Variants in MORC1 observed in about 807,000 individuals in gnomAD.
MORC1 encodes MORC family CW-type zinc finger 1, also known as MORC family CW-type zinc finger protein 1.
A neutral mutation model predicts 134.9 loss-of-function variants in MORC1; 59 were observed. That is an observed-to-expected ratio of 0.44 (90% confidence interval 0.35 to 0.54). The LOEUF is 0.54. Among genes scored for constraint, MORC1 ranks in the 20% least tolerant of loss-of-function variants. MORC1 has a pLI of 0.00. For synonymous variants in MORC1, 395 were observed against 391.7 expected (o/e 1.01, Z -0.10); for missense variants, 947 against 1,134.5 (o/e 0.83, Z 2.37).
intron 3 of MORC1, among the ~76,000 whole-genome samples, chr3:109,109,152 C>G (rs962110607): frequency 1.3e-5 from 2 of 152,072 alleles, no homozygotes; most frequent in African/African-American, 4.8e-5. Flanking sequence ...TAAAGAAACC[C>G]TCTTAGACCA....
At chr3:109,075,092 C>T (rs573220907) in intron 8 of MORC1, among the ~76,000 whole-genome samples, 2 of 152,312 alleles carry the variant, frequency 1.3e-5, no homozygotes, top group African/African-American at 4.8e-5. Flanking sequence ...TAGTTCTATA[C>T]ATACGTCACT....
At chr3:108,995,010 A>T (rs1390833153) in intron 21 of MORC1, among the ~76,000 whole-genome samples, 1 of 152,052 alleles carries the variant, frequency 6.6e-6, no homozygotes, top group East Asian at 1.9e-4. Flanking sequence ...TTGTACTTTT[A>T]TCGTTTTTAT....
rs766931482 is a variant in MORC1, at chr3:108,969,666, T to C, written c.2604+3A>G. 5 of 1,612,754 alleles carry C rather than the reference T, an allele frequency of 3.1e-6. No homozygotes were observed. The African/African-American group carries it at 4.0e-5, about 13-fold the overall frequency. On this transcript the variant is annotated splice_donor_region_variant and intron_variant, in intron 26 of 27. Transcript: ENST00000232603. Reference sequence around the variant, plus strand: ...TAAATGGTGATACTGAAAGGAAGCTTACCTGGTTGAAACACATTTTCAGCT... The same window carrying C: ...TAAATGGTGATACTGAAAGGAAGCTCACCTGGTTGAAACACATTTTCAGCT...
chr3:108,987,153 A>T (rs1275957972), intron 21 of MORC1, among the ~76,000 whole-genome samples: 1 of 152,224 alleles, frequency 6.6e-6, no homozygotes, highest in East Asian at 1.9e-4. Flanking sequence ...TTGCATTATC[A>T]TAGTCATGTT....
chr3:109,102,226 T>C (rs1270325865), intron 4 of MORC1, among the ~76,000 whole-genome samples: 2 of 151,966 alleles, frequency 1.3e-5, no homozygotes, highest in African/African-American at 2.4e-5. Flanking sequence ...GGGTCAGCCA[T>C]GTGTGGGTGG....
At chr3:109,056,132 G>C (rs1949955503) in intron 13 of MORC1, among the ~76,000 whole-genome samples, 1 of 152,210 alleles carries the variant, frequency 6.6e-6, no homozygotes, top group Non-Finnish European at 1.5e-5. Context: ...AGGTCCCACA[G>C]CCAATCAGAG....
At chr3:109,108,330 A>G (rs114187726) in intron 3 of MORC1, among the ~76,000 whole-genome samples, 3,230 of 152,294 alleles carry the variant, frequency 0.021, 143 homozygotes, top group African/African-American at 0.075. Flanking sequence ...CACAAACCCC[A>G]AAGAACATAA....
intron 17 of MORC1, among the ~76,000 whole-genome samples, chr3:109,008,415 A>T (rs1029486125): frequency 6.6e-6 from 1 of 150,380 alleles, no homozygotes; most frequent in Non-Finnish European, 1.5e-5. Context: ...AGAGAAATAC[A>T]TACTTACATA....
intron 18 of MORC1, among the ~76,000 whole-genome samples, chr3:109,006,234 T>C (rs956916859): frequency 2.0e-5 from 3 of 152,190 alleles, no homozygotes; most frequent in African/African-American, 7.2e-5. Flanking sequence ...TGATCTTAGA[T>C]AAATTACTAT....
In MORC1 at chr3:108,994,909, G is replaced by A. The variant is rs1948157551; in HGVS notation, c.2187+5648C>T. On this transcript the variant is annotated intron_variant, in intron 21 of 27. Coordinates refer to ENST00000232603, the MANE Select transcript of MORC1 (RefSeq NM_014429.4). Reference sequence around the variant, plus strand: ...TCCCCTAGGATGTTTAGTCTGTGTGGTTACTTCTTACCTCTCACCTGGTGA... The same window carrying A: ...TCCCCTAGGATGTTTAGTCTGTGTGATTACTTCTTACCTCTCACCTGGTGA... Among the ~76,000 whole-genome samples, 6 of 152,114 alleles carry A rather than the reference G, an allele frequency of 3.9e-5. No homozygotes were observed. The South Asian group carries it at 1.0e-3, about 26-fold the overall frequency.
chr3:109,061,910 T>C, intron 11 of MORC1, 78 bp downstream of exon 11: 2 of 1,280,778 alleles, frequency 1.6e-6, no homozygotes, highest in Non-Finnish European at 2.3e-6. Context: ...AAGTAGATGA[T>C]AAGAGACAAC....
At chr3:109,007,991 C>A (rs1328334820) in intron 17 of MORC1, among the ~76,000 whole-genome samples, 1 of 151,410 alleles carries the variant, frequency 6.6e-6, no homozygotes, top group Non-Finnish European at 1.5e-5. Context: ...ATTTTTCCCA[C>A]TTTTTGTGGT....
intron 17 of MORC1, among the ~76,000 whole-genome samples, chr3:109,015,382 G>A (rs1448329984): frequency 6.6e-6 from 1 of 152,116 alleles, no homozygotes; most frequent in Non-Finnish European, 1.5e-5. Flanking sequence ...CAATGAGTGG[G>A]TTACATTTTA....
At chr3:109,027,663 T>C in intron 17 of MORC1, 88 bp downstream of exon 17, 1 of 1,518,166 alleles carries the variant, frequency 6.6e-7, no homozygotes. Flanking sequence ...CACATTTTAT[T>C]GTGTAAACCA....
chr3:109,019,874 T>C (rs560644583), intron 17 of MORC1, among the ~76,000 whole-genome samples: 1 of 152,278 alleles, frequency 6.6e-6, no homozygotes, highest in South Asian at 2.1e-4. Context: ...AAAGTATAGA[T>C]AATTATGGAA....
intron 26 of MORC1, among the ~76,000 whole-genome samples, chr3:108,967,250 G>A (rs1354539538): frequency 6.6e-6 from 1 of 152,130 alleles, no homozygotes; most frequent in Non-Finnish European, 1.5e-5. Context: ...CATTACTAAT[G>A]GTGTAGACAT....
intron 12 of MORC1, among the ~76,000 whole-genome samples, chr3:109,058,797 A>G (rs576749611): frequency 2.7e-5 from 4 of 146,050 alleles, no homozygotes; most frequent in African/African-American, 1.0e-4. Flanking sequence ...ACTCTACAAT[A>G]TTAAAGGATA....
In MORC1 at chr3:109,101,923, A is replaced by T. The variant is rs1184434396; in HGVS notation, c.224-1416T>A. Among the ~76,000 whole-genome samples, 5 of 152,156 alleles carry T rather than the reference A, an allele frequency of 3.3e-5. No individual in the cohort carries two copies. In the East Asian group the frequency reaches 9.6e-4, roughly 29 times the overall value. ...ATGGTATAGCTCTGAACCAAATCCC[A>T]TGTGTTCATTACACACTACATGAAC... On this transcript the variant is annotated intron_variant, in intron 4 of 27. Transcript: ENST00000232603.
Position 109,027,899 on chromosome 3 carries a change from C to G in MORC1, c.1566-10G>C. 1 of 1,612,386 alleles carries G rather than the reference C, an allele frequency of 6.2e-7. No homozygotes were observed. The highest frequency in any genetic ancestry group is 8.5e-7 in the Non-Finnish European group (1 of 1,179,152). On this transcript the variant is annotated splice_polypyrimidine_tract_variant and intron_variant, in intron 16 of 27. Coordinates refer to ENST00000232603, the MANE Select transcript of MORC1 (RefSeq NM_014429.4). Reference sequence around the variant, plus strand: ...TTCTACCTGATGACAACTTCAGAATCAACAAGTACAAGATTAACATCAGGA... The same window carrying G: ...TTCTACCTGATGACAACTTCAGAATGAACAAGTACAAGATTAACATCAGGA...
Sources: allele counts gnomAD v4.1 joint callset (sites outside exome capture counted in the v4.1 genomes callset), GRCh38; gene constraint gnomAD v4.1.1; transcripts MANE v1.5; gene names NCBI Gene and HGNC (gene_info 2026-07-23, HGNC 2026-07-21).